STRA6: variants seen among roughly 807,000 people sequenced by gnomAD.
STRA6 encodes receptor for retinol uptake STRA6.
STRA6 carries 48 observed loss-of-function variants against 83.6 expected under a neutral mutation model. That is an observed-to-expected ratio of 0.57 (90% CI 0.46 to 0.73). The LOEUF (loss-of-function observed/expected upper bound fraction) is 0.73. Among genes scored for constraint, STRA6 ranks in the 30% least tolerant of loss-of-function variants. The pLI is 0.00. For synonymous variants in STRA6, 353 were observed against 362.3 expected (o/e 0.97, Z 0.29); for missense variants, 760 against 838.8 (o/e 0.91, Z 1.16).
upstream of STRA6, chr15:74,203,341 T>A: frequency 2.8e-6 from 1 of 353,672 alleles, no homozygotes; most frequent in East Asian, 1.7e-4. Context: ...CCTCCTGGAG[T>A]GAGGTTGAGG....
In STRA6 at chr15:74,193,846, ACAGGGTAC is replaced by A; in HGVS notation, c.666_673del (p.Trp222CysfsTer10). ...ACGGCTGAAGCTTCTCACCAGCTGC[ACAGGGTAC>A]CAAAGGCTCAGGAATCCGAGGCCCA... On this transcript the variant is annotated frameshift_variant, in exon 8 of 19. Transcript: ENST00000395105. LOFTEE classifies it high-confidence loss of function. 6.2e-7 allele frequency: 1 copy of A among 1,613,966 alleles called. No homozygotes were observed. The highest frequency in any genetic ancestry group is 8.5e-7 in the Non-Finnish European group (1 of 1,179,888).
chr15:74,190,827 G>C lies in STRA6; in HGVS notation c.927+13C>G, dbSNP rs1367737088. 2 of 1,614,094 alleles carry C rather than the reference G, an allele frequency of 1.2e-6. No individual in the cohort carries two copies. The highest frequency in any genetic ancestry group is 1.7e-6 in the Non-Finnish European group (2 of 1,180,008). On this transcript the variant is annotated intron_variant, in intron 11 of 18. Coordinates refer to ENST00000395105, the MANE Select transcript of STRA6 (RefSeq NM_022369.4). ...CTCCAGAGGCAGATGGCAGTACAGG[G>C]TGAGGGACATACCTGGTAAATGGCC...
chr15:74,192,445 G>C (rs1035223223), intron 8 of STRA6, among the ~76,000 whole-genome samples: 4 of 152,170 alleles, frequency 2.6e-5, no homozygotes, highest in Non-Finnish European at 5.9e-5. Flanking sequence ...GGCCTTCTCG[G>C]ACCAGAGTAG....
chr15:74,184,062 A>T (rs1345029379), intron 13 of STRA6, 73 bp from the exon 14 acceptor site: 1 of 1,589,122 alleles, frequency 6.3e-7, no homozygotes, highest in East Asian at 2.2e-5. Flanking sequence ...CTGGGCCAGC[A>T]ACTGGCCAAA....
At chr15:74,209,417 G>A, upstream of STRA6, 1 of 1,535,614 alleles carries the variant, frequency 6.5e-7, no homozygotes, top group Admixed American at 2.0e-5. Context: ...TTGCCAGAGG[G>A]GAACCACCAG....
chr15:74,203,916 T>C (rs189651841), upstream of STRA6, among the ~76,000 whole-genome samples: 1 of 146,696 alleles, frequency 6.8e-6, no homozygotes, highest in East Asian at 2.0e-4. Flanking sequence ...GGGATGGGGG[T>C]GGGGGAAAGT....
At chr15:74,208,914 TCTC>T (rs898060808) in exon 1 of STRA6, 2 of 991,028 alleles carry the variant, frequency 2.0e-6, no homozygotes, top group South Asian at 4.6e-5. Flanking sequence ...CACGGGGCCT[TCTC>T]CTCTGAGCCC....
At chr15:74,192,158 C>G (rs1377000090) in intron 8 of STRA6, 1 of 158,748 alleles carries the variant, frequency 6.3e-6, no homozygotes, top group Non-Finnish European at 1.4e-5. Context: ...AGACTTAAAC[C>G]TCTTTGACCA....
rs2072884885 is a variant in STRA6 at position 74,179,779 on chromosome 15, G to C, written c.*301C>G. 2.7e-6 allele frequency: 1 copy of C among 373,570 alleles called. No homozygotes were observed. The highest frequency in any genetic ancestry group is 4.0e-5 in the Admixed American group (1 of 25,260). The allele number at this position is 373,570 out of a possible 1,614,324, so 23.1% of individuals were successfully genotyped here. On this transcript the variant is annotated 3_prime_UTR_variant, in exon 19 of 19. Transcript: ENST00000395105. Reference sequence around the variant, plus strand: ...TCGAGGCCCTTCAAGGCTGATGGCAGAGCCAGGGTAGGGAGACGCCTGGAT... The same window carrying C: ...TCGAGGCCCTTCAAGGCTGATGGCACAGCCAGGGTAGGGAGACGCCTGGAT...
Position 74,195,348 on chromosome 15 carries a change from A to G in STRA6, c.551T>C (p.Leu184Pro). ...TGCCCTCTGCCAGACCTGGACCCCA[A>G]GGTGGGCCCAGGACAGCGTGCTGCC... ...LLGSTLSWAH[L>P]GVQVWQRAEC... Residue 184 changes from leucine (L) to proline (P), a missense_variant, in exon 7 of 19, where the codon CTT (leucine) becomes CCT (proline). Leu to Pro is a moderately conservative substitution (Grantham distance 98). Transcript: ENST00000395105. 1 of 1,613,426 alleles carries G rather than the reference A, an allele frequency of 6.2e-7. No homozygotes were observed. Among genetic ancestry groups the G allele is most frequent in the Non-Finnish European group, 8.5e-7 (1 of 1,179,986 alleles).
At chr15:74,183,152 G>A in intron 14 of STRA6, 1 of 162,454 alleles carries the variant, frequency 6.2e-6, no homozygotes. Context: ...GTCCTGGAAG[G>A]TTATCTGGTC....
In STRA6 at chr15:74,181,374, G is replaced by C; in HGVS notation, c.1605C>G (p.Leu535=). ...GGTGGATGGCGTTGTAGAGGGCAGAGAGGAGCACTCGCCAGGTGGCCACCA... is the reference window on the plus strand; with the variant it reads ...GGTGGATGGCGTTGTAGAGGGCAGACAGGAGCACTCGCCAGGTGGCCACCA... The part of the protein sequence containing the change: ...GAMVATWRVL[L]SALYNAIHLG... The change falls in exon 17 of 19, where the codon CTC becomes CTG. Residue 535 remains leucine (L), a synonymous_variant. Transcript: ENST00000395105. 6.2e-7 allele frequency: 1 copy of C among 1,613,858 alleles called. No individual in the cohort carries two copies. Among genetic ancestry groups the C allele is most frequent in the African/African-American group, 1.3e-5 (1 of 74,992 alleles).
In STRA6 at chr15:74,197,343, C is replaced by A; in HGVS notation, c.261G>T (p.Leu87=). ...WPDCVRGRPG[L]PSPVDFLAGD... is the part of the protein sequence containing the mutation. ...GCCCAGGCCATGGTACAAACCTGGGCAGGCCGGGCCTGCCACGCACACAGT... is the reference window on the plus strand; with the variant it reads ...GCCCAGGCCATGGTACAAACCTGGGAAGGCCGGGCCTGCCACGCACACAGT... The change falls in exon 4 of 19, where the codon CTG becomes CTT. Residue 87 remains leucine (L), a synonymous_variant. Coordinates refer to ENST00000395105, the MANE Select transcript of STRA6 (RefSeq NM_022369.4). 1 of 1,550,030 alleles carries A rather than the reference C, an allele frequency of 6.5e-7. No individual in the cohort carries two copies. The highest frequency in any genetic ancestry group is 8.7e-7 in the Non-Finnish European group (1 of 1,146,690).
intron 1 of STRA6, 199 bp downstream of exon 1, chr15:74,202,514 G>A (rs1392775883): frequency 2.6e-6 from 4 of 1,526,446 alleles, no homozygotes; most frequent in Non-Finnish European, 3.5e-6. Context: ...CTCCCTTCCC[G>A]CCCATCGCAC....
intron 8 of STRA6, among the ~76,000 whole-genome samples, chr15:74,193,581 C>T (rs1394779077): frequency 1.3e-5 from 2 of 152,204 alleles, no homozygotes; most frequent in African/African-American, 4.8e-5. Context: ...ACTATTCACA[C>T]AGCCCAGTGC....
upstream of STRA6, chr15:74,209,373 A>T: frequency 6.5e-7 from 1 of 1,535,340 alleles, no homozygotes; most frequent in Non-Finnish European, 8.7e-7. Flanking sequence ...ATTTGTCCCC[A>T]TCCATCACTC....
At position 74,182,490 on chromosome 15, in the gene STRA6, G is replaced by A. The variant is rs748881439; in HGVS notation, c.1301-30C>T. On this transcript the variant is annotated intron_variant, in intron 14 of 18. Transcript: ENST00000395105. ...CAGGGGCGGGAGTGGCAGGGGGACA[G>A]AAAACAGGTTCCATGAAAACTGGCC... 3.2e-4 allele frequency: 495 copies of A among 1,568,238 alleles called. 2 individuals carry two copies. Among genetic ancestry groups the A allele is most frequent in the Middle Eastern group, 2.4e-3 (12 of 4,946 alleles).
exon 1 of STRA6, chr15:74,208,830 T>C (rs548135842): frequency 1.0e-6 from 1 of 989,140 alleles, no homozygotes; most frequent in Non-Finnish European, 1.2e-6. Context: ...GACCTCTCCC[T>C]TCCTTGTCTC....
intron 14 of STRA6, chr15:74,182,777 G>T (rs575247720): frequency 7.2e-4 from 266 of 369,588 alleles, no homozygotes; most frequent in Middle Eastern, 3.4e-3. Context: ...CTGAGTTTGA[G>T]TTACTGGGGG....
Sources: allele counts gnomAD v4.1 joint callset (sites outside exome capture counted in the v4.1 genomes callset), GRCh38; gene constraint gnomAD v4.1.1; transcripts MANE v1.5; gene names NCBI Gene and HGNC (gene_info 2026-07-23, HGNC 2026-07-21).